Variants in FAM234B observed in about 807,000 individuals in gnomAD.
FAM234B encodes the protein family with sequence similarity 234 member B.
A neutral mutation model predicts 69.3 loss-of-function variants in FAM234B; 33 were observed. The observed-to-expected ratio is 0.48, with a 90% CI of 0.36 to 0.64. FAM234B has a LOEUF of 0.64. Among genes scored for constraint, FAM234B ranks in the 30% least tolerant of loss-of-function variants. FAM234B has a pLI of 0.00. For synonymous variants in FAM234B, 306 were observed against 306.9 expected, an observed-to-expected ratio of 1.00 and a Z score of 0.03; for missense variants, 697 against 769.7, an observed-to-expected ratio of 0.91 and a Z score of 1.12.
intron 1 of FAM234B, among the ~76,000 whole-genome samples, chr12:13,052,832 G>T (rs900262111): frequency 4.6e-5 from 7 of 152,146 alleles, no homozygotes; most frequent in Non-Finnish European, 1.0e-4. Context: ...TGTTTATCAT[G>T]TCAGGTGTAT....
intron 2 of FAM234B, 103 bp from the exon 3 acceptor site, chr12:13,058,348 C>A: frequency 2.3e-6 from 2 of 865,790 alleles, no homozygotes; most frequent in Non-Finnish European, 4.0e-6. Context: ...TATACCTAGT[C>A]GAGGAACTGG....
chr12:13,053,742 T>G (rs1018440740), intron 1 of FAM234B, among the ~76,000 whole-genome samples: 1 of 152,200 alleles, frequency 6.6e-6, no homozygotes, highest in Non-Finnish European at 1.5e-5. Context: ...AGAGAACCGG[T>G]CTGACCAAAA....
Position 13,055,961 on chromosome 12 carries a change from C to G in FAM234B, c.433+15C>G. 1.3e-6 allele frequency: 2 copies of G among 1,536,164 alleles called. No homozygotes were observed. The highest frequency in any genetic ancestry group is 1.7e-6 in the Non-Finnish European group (2 of 1,144,530). Reference sequence around the variant, plus strand: ...CTCCCAGGGAGGTGAGCTGCAGAATCTTCAGCCCTAATCCTGTGAAACTTC... The same window carrying G: ...CTCCCAGGGAGGTGAGCTGCAGAATGTTCAGCCCTAATCCTGTGAAACTTC... On this transcript the variant is annotated intron_variant, in intron 2 of 12. Transcript: ENST00000197268.
chr12:13,045,827 A>C (rs913996597), intron 1 of FAM234B, among the ~76,000 whole-genome samples: 4 of 138,944 alleles, frequency 2.9e-5, no homozygotes, highest in East Asian at 2.6e-4. Context: ...ATTTAGCTTT[A>C]TTTCTTTTTT....
chr12:13,046,442 CTTTG>C (rs967912788), intron 1 of FAM234B, among the ~76,000 whole-genome samples: 2 of 151,948 alleles, frequency 1.3e-5, no homozygotes, highest in African/African-American at 4.8e-5. Context: ...CCACTGTTTT[CTTTG>C]TTTGTTTTTT....
intron 11 of FAM234B, among the ~76,000 whole-genome samples, chr12:13,079,255 T>C (rs1457053990): frequency 6.6e-6 from 1 of 152,190 alleles, no homozygotes; most frequent in East Asian, 1.9e-4. Flanking sequence ...AACTATCTGA[T>C]CTTTGACAAA....
rs374186983 is a variant in FAM234B at position 13,068,452 on chromosome 12, G to A, written c.1286+5G>A. 8 of 1,613,606 alleles carry A rather than the reference G, an allele frequency of 5.0e-6. No individual in the cohort carries two copies. Among genetic ancestry groups the A allele is most frequent in the Non-Finnish European group, 6.8e-6 (8 of 1,179,828 alleles). Reference sequence around the variant, plus strand: ...GAGACTTCAAGGCCTGCGCAGGTTTGCATTGTGTTCCTTCTTGTGTTTGCT... The same window carrying A: ...GAGACTTCAAGGCCTGCGCAGGTTTACATTGTGTTCCTTCTTGTGTTTGCT... On this transcript the variant is annotated splice_donor_5th_base_variant and intron_variant, in intron 8 of 12. Coordinates refer to ENST00000197268, the MANE Select transcript of FAM234B (RefSeq NM_020853.2).
chr12:13,082,896 T>C lies in FAM234B; in HGVS notation c.*2266T>C, dbSNP rs911368897. On this transcript the variant is annotated 3_prime_UTR_variant, in exon 13 of 13. Transcript: ENST00000197268. ...AAACTTAATGTACCTGAATTCTTCA[T>C]GGTGTATTTGCAAACTAACTTAACA... 1 of 152,248 alleles carries C rather than the reference T, an allele frequency of 6.6e-6. No individual in the cohort carries two copies. The highest frequency in any genetic ancestry group is 6.5e-5 in the Admixed American group (1 of 15,288). 9.4% of individuals were successfully genotyped at this position (152,248 alleles called of 1,614,324 possible). A position where few individuals can be genotyped will look rare whatever the true frequency, so the allele number is the denominator to read the frequency against.
At chr12:13,078,591 G>T (rs1462884116) in intron 11 of FAM234B, among the ~76,000 whole-genome samples, 1 of 152,226 alleles carries the variant, frequency 6.6e-6, no homozygotes, top group Non-Finnish European at 1.5e-5. Flanking sequence ...AAAAGAGGAA[G>T]TCAAATTGTC....
chr12:13,064,626 G>A (rs1865017907), intron 5 of FAM234B, among the ~76,000 whole-genome samples: 1 of 152,116 alleles, frequency 6.6e-6, no homozygotes, highest in African/African-American at 2.4e-5. Flanking sequence ...GAATTTACTT[G>A]TTTTCACAAT....
intron 11 of FAM234B, among the ~76,000 whole-genome samples, chr12:13,078,152 G>A (rs1433942560): frequency 1.3e-5 from 2 of 151,906 alleles, no homozygotes; most frequent in Non-Finnish European, 2.9e-5. Flanking sequence ...GGAGTTCACT[G>A]TAGATTCTGG....
intron 2 of FAM234B, among the ~76,000 whole-genome samples, chr12:13,056,348 G>T (rs912460920): frequency 6.6e-6 from 1 of 152,200 alleles, no homozygotes; most frequent in Non-Finnish European, 1.5e-5. Flanking sequence ...GATGATAGAG[G>T]TCTGATCTAA....
chr12:13,075,071 A>C (rs1194236264), intron 10 of FAM234B, among the ~76,000 whole-genome samples: 4 of 152,198 alleles, frequency 2.6e-5, no homozygotes, highest in Non-Finnish European at 5.9e-5. Context: ...CATAGAAGTC[A>C]TACTGATAAA....
chr12:13,078,067 CT>C (rs1176796287), intron 11 of FAM234B, among the ~76,000 whole-genome samples: 1 of 151,160 alleles, frequency 6.6e-6, no homozygotes, highest in Non-Finnish European at 1.5e-5. Context: ...TAAATGTCTT[CT>C]TTTGAGAAGT....
chr12:13,076,233 G>C (rs1164228698), intron 11 of FAM234B, 90 bp downstream of exon 11: 10 of 981,234 alleles, frequency 1.0e-5, no homozygotes, highest in Non-Finnish European at 1.6e-5. Context: ...CCCCACCCAG[G>C]GAAGGATGTG....
At chr12:13,053,918 G>A (rs574972201) in intron 1 of FAM234B, among the ~76,000 whole-genome samples, 1 of 152,168 alleles carries the variant, frequency 6.6e-6, no homozygotes, top group South Asian at 2.1e-4. Flanking sequence ...TTCCTTGCTG[G>A]GAAAATAATT....
intron 9 of FAM234B, 35 bp from the exon 10 acceptor site, chr12:13,071,206 C>A (rs757921961): frequency 2.0e-5 from 32 of 1,608,968 alleles, no homozygotes; most frequent in Non-Finnish European, 2.7e-5. Flanking sequence ...TTTTTGAGGC[C>A]TGGCCATGTT....
intron 3 of FAM234B, among the ~76,000 whole-genome samples, chr12:13,058,934 G>A (rs1488268545): frequency 6.6e-6 from 1 of 152,170 alleles, no homozygotes; most frequent in East Asian, 1.9e-4. Flanking sequence ...CCTATCCCTG[G>A]AAGAAAACTT....
intron 5 of FAM234B, 129 bp from the exon 6 acceptor site, chr12:13,066,511 T>G: frequency 9.7e-7 from 1 of 1,034,322 alleles, no homozygotes; most frequent in Non-Finnish European, 1.4e-6. Context: ...TTTGGCTTTG[T>G]GCTTTCCAAC....
Sources: gnomAD v4.1 joint callset for allele counts (sites outside exome capture counted in the v4.1 genomes callset) on GRCh38, gnomAD v4.1.1 for gene constraint, MANE v1.5 for transcripts, NCBI Gene and HGNC (gene_info 2026-07-23, HGNC 2026-07-21) for gene names.